POU6F2: variants seen among roughly 807,000 people sequenced by gnomAD.
The protein encoded by POU6F2 is POU domain, class 6, transcription factor 2.
POU6F2 carries 31 observed loss-of-function variants against 71.3 expected under a neutral mutation model. That is an observed-to-expected ratio of 0.43 (90% CI 0.33 to 0.59). The LOEUF (loss-of-function observed/expected upper bound fraction) is 0.59. POU6F2 is among the 20% of genes least tolerant of loss of function. The pLI is 0.04. For synonymous variants in POU6F2, 347 were observed against 355.7 expected (o/e 0.98, Z 0.27); for missense variants, 783 against 856.8 (o/e 0.91, Z 1.07).
At chr7:39,249,201 A>G (rs1215983516) in intron 4 of POU6F2, among the ~76,000 whole-genome samples, 2 of 152,230 alleles carry the variant, frequency 1.3e-5, no homozygotes, top group African/African-American at 4.8e-5. Context: ...TGCTGTCACA[A>G]CAATCTTTGA....
At chr7:39,463,691 A>G (rs1050099049) in intron 9 of POU6F2, among the ~76,000 whole-genome samples, 1 of 152,218 alleles carries the variant, frequency 6.6e-6, no homozygotes. Flanking sequence ...GATAATAGCA[A>G]TAACATTTTT....
intron 4 of POU6F2, among the ~76,000 whole-genome samples, chr7:39,334,397 A>G (rs182127831): frequency 6.6e-6 from 1 of 152,308 alleles, no homozygotes; most frequent in Non-Finnish European, 1.5e-5. Context: ...CCTCTGGAGT[A>G]CAATGTTCAA....
intron 4 of POU6F2, among the ~76,000 whole-genome samples, chr7:39,238,563 T>A (rs1016797598): frequency 6.6e-6 from 1 of 152,186 alleles, no homozygotes; most frequent in Non-Finnish European, 1.5e-5. Flanking sequence ...CCAAAAATAA[T>A]TGCCATCTGG....
chr7:39,221,408 T>TTTG (rs1183647122), intron 4 of POU6F2, among the ~76,000 whole-genome samples: 1 of 148,092 alleles, frequency 6.8e-6, no homozygotes, highest in Non-Finnish European at 1.5e-5. Context: ...TTTTTTTTTT[T>TTTG]GAGACAGTGT....
At chr7:39,230,406 C>G (rs1268306251) in intron 4 of POU6F2, among the ~76,000 whole-genome samples, 1 of 151,960 alleles carries the variant, frequency 6.6e-6, no homozygotes, top group Non-Finnish European at 1.5e-5. Flanking sequence ...ACCACATGAG[C>G]CCAGGAATTC....
At chr7:39,345,278 T>A (rs1023000643) in intron 5 of POU6F2, among the ~76,000 whole-genome samples, 3 of 151,748 alleles carry the variant, frequency 2.0e-5, no homozygotes, top group Non-Finnish European at 4.4e-5. Context: ...GAGTGCCTCA[T>A]TCATCTCACC....
chr7:39,276,477 T>G (rs1784441658), intron 4 of POU6F2, among the ~76,000 whole-genome samples: 2 of 151,840 alleles, frequency 1.3e-5, no homozygotes, highest in African/African-American at 4.8e-5. Flanking sequence ...GTTCAACCAT[T>G]GTGGAAGTCA....
rs956585374 is a variant in POU6F2 at position 39,468,390 on chromosome 7, G to C, written c.*3704G>C. On this transcript the variant is annotated 3_prime_UTR_variant, in exon 10 of 10. Coordinates refer to ENST00000518318, the MANE Select transcript of POU6F2 (RefSeq NM_001370959.1). ...AGACTTGTGACCAAGAAGCCAAACTGAATATTTAAAAGCTCCTTACTTGCT... is the reference window on the plus strand; with the variant it reads ...AGACTTGTGACCAAGAAGCCAAACTCAATATTTAAAAGCTCCTTACTTGCT... 1 of 151,232 alleles carries C rather than the reference G, an allele frequency of 6.6e-6. No individual in the cohort carries two copies. Among genetic ancestry groups the C allele is most frequent in the African/African-American group, 2.4e-5 (1 of 41,108 alleles). 9.4% of individuals were successfully genotyped at this position (151,232 alleles called of 1,614,324 possible). A position where few individuals can be genotyped will look rare whatever the true frequency, so the allele number is the denominator to read the frequency against.
rs145241880 is a variant in POU6F2, at chr7:39,460,597, C to G, written c.1540C>G (p.Arg514Gly). The change falls in exon 9 of 10, where the codon CGA becomes GGA. Residue 514 changes from arginine to glycine, a missense_variant. By Grantham distance (125) the Arg-to-Gly change is moderately radical. This residue lies in a region of POU6F2 where 211 missense variants were observed against 283.9 expected (regional missense o/e 0.74). Coordinates refer to ENST00000518318, the MANE Select transcript of POU6F2 (RefSeq NM_001370959.1). This position sits in a 1 kb window ranked among gnomAD's most constrained non-coding sequence, Gnocchi z 4.4. ...GGATGGGGTTAATCTGGAGGAGATCCGAGAATTTGCCAAAGCTTTTAAAAT... is the reference window on the plus strand; with the variant it reads ...GGATGGGGTTAATCTGGAGGAGATCGGAGAATTTGCCAAAGCTTTTAAAAT... ...EVDGVNLEEI[R>G]EFAKAFKIRR... is the part of the protein sequence containing the mutation. 131 of 1,613,040 alleles carry G rather than the reference C, an allele frequency of 8.1e-5. No homozygotes were observed. The highest frequency in any genetic ancestry group is 1.0e-4 in the Non-Finnish European group (120 of 1,179,630).
intron 1 of POU6F2, among the ~76,000 whole-genome samples, chr7:39,004,126 G>T (rs139986269): frequency 6.6e-6 from 1 of 152,076 alleles, no homozygotes; most frequent in Non-Finnish European, 1.5e-5. Context: ...TAATAATTGG[G>T]AAGGCCTAGA....
intron 2 of POU6F2, among the ~76,000 whole-genome samples, chr7:39,157,147 G>A (rs1219226470): frequency 1.3e-5 from 2 of 152,122 alleles, no homozygotes; most frequent in Admixed American, 6.6e-5. Flanking sequence ...GTTCAATTCC[G>A]GTGGGGGAAC....
intron 4 of POU6F2, among the ~76,000 whole-genome samples, chr7:39,229,983 A>G (rs1227875736): frequency 6.6e-6 from 1 of 152,170 alleles, no homozygotes; most frequent in Non-Finnish European, 1.5e-5. Flanking sequence ...TATCCTCCTC[A>G]CTGTTCGTGG....
At chr7:39,245,303 A>C (rs1346641959) in intron 4 of POU6F2, among the ~76,000 whole-genome samples, 1 of 152,202 alleles carries the variant, frequency 6.6e-6, no homozygotes, top group Non-Finnish European at 1.5e-5. Flanking sequence ...AATTTTCATA[A>C]GTACTGACTA....
chr7:39,448,173 G>A (rs897135237), intron 7 of POU6F2, among the ~76,000 whole-genome samples: 5 of 152,204 alleles, frequency 3.3e-5, no homozygotes, highest in African/African-American at 9.7e-5. Flanking sequence ...TGGTACTTCT[G>A]AAGTCCTGTT....
intron 7 of POU6F2, among the ~76,000 whole-genome samples, chr7:39,434,640 A>T (rs11979059): frequency 0.34 from 50,564 of 150,760 alleles, 9,489 homozygotes; most frequent in East Asian, 0.58. Flanking sequence ...GGTTTTTTTT[A>T]AACTTCTTCT....
intron 5 of POU6F2, among the ~76,000 whole-genome samples, chr7:39,369,329 A>C (rs1284623374): frequency 2.0e-5 from 3 of 152,002 alleles, no homozygotes; most frequent in African/African-American, 7.2e-5. Flanking sequence ...AAACTCACTG[A>C]AGGCTCAGTG....
intron 1 of POU6F2, among the ~76,000 whole-genome samples, chr7:38,981,105 G>A (rs537272669): frequency 6.6e-6 from 1 of 152,308 alleles, no homozygotes; most frequent in South Asian, 2.1e-4. Flanking sequence ...GCAATTACCT[G>A]TAGTTAGCTT....
At chr7:39,218,067 T>G (rs1794276628) in intron 4 of POU6F2, among the ~76,000 whole-genome samples, 2 of 152,116 alleles carry the variant, frequency 1.3e-5, no homozygotes, top group Non-Finnish European at 1.5e-5. Flanking sequence ...AGGCTGTAAA[T>G]CAGGGCTTCT....
chr7:39,163,925 G>C (rs964530798), intron 2 of POU6F2, among the ~76,000 whole-genome samples: 6 of 152,310 alleles, frequency 3.9e-5, no homozygotes, highest in African/African-American at 1.4e-4. Flanking sequence ...GGTTACCAGA[G>C]GCTGGGAGAG....
Sources: gnomAD v4.1 joint callset for allele counts (sites outside exome capture counted in the v4.1 genomes callset) on GRCh38, gnomAD v4.1.1 for gene constraint, gnomAD v4.1.1 regional missense constraint, Gnocchi (gnomAD v3.1) non-coding constraint, MANE v1.5 for transcripts, NCBI Gene and HGNC (gene_info 2026-07-23, HGNC 2026-07-21) for gene names.